TPP2: variants seen among roughly 807,000 people sequenced by gnomAD.
The protein encoded by TPP2 is tripeptidyl peptidase 2, also known as tripeptidyl-peptidase 2.
TPP2 carries 34 observed loss-of-function variants against 155.9 expected under a neutral mutation model. The observed-to-expected ratio is 0.22, with a 90% CI of 0.17 to 0.29. The LOEUF is 0.29. Among genes scored for constraint, TPP2 ranks in the 10% least tolerant of loss-of-function variants. The pLI is 1.00. For missense variants in TPP2, 1,028 were observed against 1,522.3 expected, an observed-to-expected ratio of 0.68 and a Z score of 5.40; for synonymous variants, 510 against 529.4, an observed-to-expected ratio of 0.96 and a Z score of 0.50.
chr13:102,643,049 T>A (rs1392116566), intron 16 of TPP2, among the ~76,000 whole-genome samples, 173 bp from the exon 17 acceptor site: 1 of 152,178 alleles, frequency 6.6e-6, no homozygotes, highest in Non-Finnish European at 1.5e-5. Flanking sequence ...TTATTAATAT[T>A]TTGTTGATTC....
At chr13:102,634,157 GCT>G (rs1882212025) in intron 11 of TPP2, 59 bp downstream of exon 11, 8 of 1,603,146 alleles carry the variant, frequency 5.0e-6, no homozygotes, top group Admixed American at 1.7e-5. Context: ...GTTTTCTGAA[GCT>G]CTCATGGTAA....
At chr13:102,641,004 C>T (rs1343910636) in intron 16 of TPP2, among the ~76,000 whole-genome samples, 1 of 152,120 alleles carries the variant, frequency 6.6e-6, no homozygotes, top group African/African-American at 2.4e-5. Context: ...GCTTAAACCT[C>T]AAACTGTTAA....
chr13:102,664,938 T>G lies in TPP2; in HGVS notation c.3371+13T>G. On this transcript the variant is annotated intron_variant, in intron 27 of 29. Transcript: ENST00000376052. Reference sequence around the variant, plus strand: ...CTACTATAAAAAAGTACCTAACCAGTAAATAATCTTTCTTGCATCTCATTT... The same window carrying G: ...CTACTATAAAAAAGTACCTAACCAGGAAATAATCTTTCTTGCATCTCATTT... 6.2e-7 allele frequency: 1 copy of G among 1,609,398 alleles called. No individual in the cohort carries two copies. The highest frequency in any genetic ancestry group is 8.5e-7 in the Non-Finnish European group (1 of 1,178,798).
At chr13:102,626,386 T>G (rs1595158359) in intron 6 of TPP2, among the ~76,000 whole-genome samples, 1 of 152,394 alleles carries the variant, frequency 6.6e-6, no homozygotes, top group East Asian at 1.9e-4. Flanking sequence ...TTGATGTACA[T>G]GTAACCATTT....
chr13:102,598,345 C>T (rs1320246562), intron 1 of TPP2, among the ~76,000 whole-genome samples: 1 of 152,148 alleles, frequency 6.6e-6, no homozygotes, highest in Non-Finnish European at 1.5e-5. Context: ...GATCCTTTAT[C>T]GTGCTTTCTG....
chr13:102,669,596 G>A (rs1884834016), intron 27 of TPP2, among the ~76,000 whole-genome samples: 1 of 152,184 alleles, frequency 6.6e-6, no homozygotes, highest in Admixed American at 6.5e-5. Context: ...TAACTGATTA[G>A]GTTCTAGTTC....
rs535963397 is a variant in TPP2, at chr13:102,624,411, T to C, written c.784+1371T>C. On this transcript the variant is annotated intron_variant, in intron 6 of 29. Coordinates refer to ENST00000376052, the MANE Select transcript of TPP2 (RefSeq NM_001330588.2). Reference sequence around the variant, plus strand: ...CATACATATACATAATTTGATAAGCTTTTATGTAAATATATCAGTATATCC... The same window carrying C: ...CATACATATACATAATTTGATAAGCCTTTATGTAAATATATCAGTATATCC... Among the ~76,000 whole-genome samples, 7 of 152,286 alleles carry C rather than the reference T, an allele frequency of 4.6e-5. No homozygotes were observed. The East Asian group carries it at 1.4e-3, about 29-fold the overall frequency.
At chr13:102,597,322 G>A in intron 1 of TPP2, 119 bp downstream of exon 1, 2 of 573,666 alleles carry the variant, frequency 3.5e-6, no homozygotes, top group Non-Finnish European at 5.2e-6. Context: ...CCGGGCCGGG[G>A]TGGGCAGCAC....
In TPP2 at chr13:102,637,254, T is replaced by TC; in HGVS notation, c.1836+16dup. The TC allele has an allele frequency of 1.3e-6, 2 of 1,573,026 alleles. No homozygotes were observed. Among genetic ancestry groups the TC allele is most frequent in the Admixed American group, 4.2e-5 (2 of 47,748 alleles). On this transcript the variant is annotated intron_variant, in intron 14 of 29. Coordinates refer to ENST00000376052, the MANE Select transcript of TPP2 (RefSeq NM_001330588.2). ...ATTATACAGAGGTATTGATGTATCT[T>TC]CATTTTTACTTTCTTCACTCTTTAA...
At chr13:102,627,755 A>T in intron 7 of TPP2, 93 bp from the exon 8 acceptor site, 1 of 874,970 alleles carries the variant, frequency 1.1e-6, no homozygotes. Context: ...TGATTGGCTA[A>T]GAAACTATAG....
chr13:102,609,059 G>T (rs1248735049), intron 2 of TPP2, among the ~76,000 whole-genome samples: 1 of 152,132 alleles, frequency 6.6e-6, no homozygotes, highest in Non-Finnish European at 1.5e-5. Context: ...ATTTGGCCTG[G>T]GGTTTAGGGG....
intron 27 of TPP2, among the ~76,000 whole-genome samples, chr13:102,673,133 T>C (rs368156163): frequency 6.6e-6 from 1 of 152,328 alleles, no homozygotes; most frequent in South Asian, 2.1e-4. Context: ...GCATTTTCTA[T>C]GGTACTTAGC....
chr13:102,603,477 A>G (rs1037456148), intron 1 of TPP2, among the ~76,000 whole-genome samples: 24 of 152,342 alleles, frequency 1.6e-4, no homozygotes, highest in African/African-American at 5.5e-4. Context: ...GAGAGAAGAT[A>G]GAATCCTGTG....
At chr13:102,674,059 G>C (rs1283889173) in intron 27 of TPP2, among the ~76,000 whole-genome samples, 2 of 152,110 alleles carry the variant, frequency 1.3e-5, no homozygotes, top group Non-Finnish European at 2.9e-5. Context: ...ACCAGGTGCA[G>C]CTACCCTAAC....
chr13:102,666,628 G>A (rs1017790581), intron 27 of TPP2, among the ~76,000 whole-genome samples: 5 of 151,860 alleles, frequency 3.3e-5, no homozygotes, highest in African/African-American at 1.2e-4. Context: ...TCAAACTCGG[G>A]TGTTACATGA....
intron 25 of TPP2, among the ~76,000 whole-genome samples, chr13:102,658,172 T>C (rs1883980307): frequency 6.6e-6 from 1 of 152,254 alleles, no homozygotes; most frequent in Non-Finnish European, 1.5e-5. Context: ...CAGTTGCTTT[T>C]TCCATCTGTT....
chr13:102,626,941 A>G, intron 6 of TPP2, 71 bp from the exon 7 acceptor site: 1 of 1,385,256 alleles, frequency 7.2e-7, no homozygotes. Context: ...GATTAATAAT[A>G]TGCAAATTGA....
chr13:102,647,126 T>C (rs1183758829), intron 20 of TPP2, 81 bp from the exon 21 acceptor site: 1 of 1,424,048 alleles, frequency 7.0e-7, no homozygotes, highest in African/African-American at 1.4e-5. Flanking sequence ...TGAAAAAGTC[T>C]CATGTCAATA....
chr13:102,678,401 A>T lies in TPP2; in HGVS notation c.*85A>T. On this transcript the variant is annotated 3_prime_UTR_variant, in exon 30 of 30. Coordinates refer to ENST00000376052, the MANE Select transcript of TPP2 (RefSeq NM_001330588.2). ...ACAAATTTGTGGCATTTTTAGTCTA[A>T]TGCATGTTTTCATCCACTATCCAGT... The T allele has an allele frequency of 8.5e-7, 1 of 1,177,730 alleles. No individual in the cohort carries two copies. The allele number at this position is 1,177,730 out of a possible 1,614,324, so 73.0% of individuals were successfully genotyped here. A position where few individuals can be genotyped will look rare whatever the true frequency, so the allele number is the denominator to read the frequency against.
Sources: allele counts gnomAD v4.1 joint callset (sites outside exome capture counted in the v4.1 genomes callset), GRCh38; gene constraint gnomAD v4.1.1; transcripts MANE v1.5; gene names NCBI Gene and HGNC (gene_info 2026-07-23, HGNC 2026-07-21).